Variants in CCDC112 observed in about 807,000 individuals in gnomAD.
CCDC112 encodes the protein coiled-coil domain-containing protein 112.
In CCDC112, 40 loss-of-function variants were observed where a neutral mutation model predicts 66.3. The observed-to-expected ratio is 0.60, with a 90% CI of 0.47 to 0.79. CCDC112 has a LOEUF of 0.79. Among genes scored for constraint, CCDC112 ranks in the 30% least tolerant of loss-of-function variants. CCDC112 has a pLI of 0.00. For missense variants in CCDC112, 659 were observed against 603.8 expected, an observed-to-expected ratio of 1.09 and a Z score of -0.96; for synonymous variants, 214 against 197.2, an observed-to-expected ratio of 1.09 and a Z score of -0.71.
intron 2 of CCDC112, among the ~76,000 whole-genome samples, chr5:115,280,723 T>A (rs554664866): frequency 1.1e-4 from 16 of 146,520 alleles, no homozygotes; most frequent in African/African-American, 4.1e-4. Flanking sequence ...GCCCAGCTAA[T>A]TTTTTTTTTT....
chr5:115,280,820 C>T (rs190852699), intron 2 of CCDC112, among the ~76,000 whole-genome samples: 172 of 152,096 alleles, frequency 1.1e-3, no homozygotes, highest in African/African-American at 4.0e-3. Context: ...TCCCAAAGTG[C>T]GTGAGCCATC....
At position 115,271,637 on chromosome 5, in the gene CCDC112, T is replaced by G; in HGVS notation, c.919-11A>C. 1.4e-6 allele frequency: 2 copies of G among 1,475,874 alleles called. No homozygotes were observed. The highest frequency in any genetic ancestry group is 1.8e-6 in the Non-Finnish European group (2 of 1,116,688). 91.4% of individuals were successfully genotyped at this position (1,475,874 alleles called of 1,614,324 possible). A position where few individuals can be genotyped will look rare whatever the true frequency, so the allele number is the denominator to read the frequency against. ...CCAAATCTGAATTGACTAAATGATT[T>G]TTTTAAAAAAAGAAAGCAAGAGAAA... is the stretch of plus-strand genomic sequence containing the variant. On this transcript the variant is annotated splice_polypyrimidine_tract_variant and intron_variant, in intron 6 of 9. Coordinates refer to ENST00000379611, the MANE Select transcript of CCDC112 (RefSeq NM_001040440.3).
At position 115,275,345 on chromosome 5, in the gene CCDC112, G is replaced by C; in HGVS notation, c.789C>G (p.Asn263Lys). The C allele has an allele frequency of 1.2e-6, 2 of 1,613,748 alleles. No homozygotes were observed. Among genetic ancestry groups the C allele is most frequent in the Middle Eastern group, 3.3e-4 (2 of 6,062 alleles). Reference sequence around the variant, plus strand: ...TAAATGTTGGCTTCCCTTTATGTTTGTTTCTCACCTTTACAAAGTTCTGGT... The same window carrying C: ...TAAATGTTGGCTTCCCTTTATGTTTCTTTCTCACCTTTACAAAGTTCTGGT... ...YDHQNFVKVR[N>K]KHKGKPTFME... is the part of the protein sequence containing the mutation. The change falls in exon 6 of 10, where the codon AAC becomes AAG. Residue 263 changes from asparagine to lysine, a missense_variant. Asn to Lys is a moderately conservative substitution (Grantham distance 94). Coordinates refer to ENST00000379611, the MANE Select transcript of CCDC112 (RefSeq NM_001040440.3).
intron 3 of CCDC112, 22 bp downstream of exon 3, chr5:115,279,625 G>A (rs753516378): frequency 6.2e-7 from 1 of 1,608,158 alleles, no homozygotes; most frequent in Non-Finnish European, 8.5e-7. Flanking sequence ...ACAGTTTTTA[G>A]TTCATCACAA....
chr5:115,286,857 G>A (rs1749696185), intron 1 of CCDC112, among the ~76,000 whole-genome samples: 1 of 152,108 alleles, frequency 6.6e-6, no homozygotes, highest in Non-Finnish European at 1.5e-5. Flanking sequence ...TAAGGCTGCA[G>A]TAAGCCATAA....
intron 6 of CCDC112, among the ~76,000 whole-genome samples, 153 bp downstream of exon 6, chr5:115,275,063 G>C (rs1287889915): frequency 6.6e-6 from 1 of 152,068 alleles, no homozygotes; most frequent in Non-Finnish European, 1.5e-5. Context: ...AACTTTCAAT[G>C]CCTCAGTTTC....
chr5:115,271,134 A>G (rs2127050519), intron 7 of CCDC112, 79 bp downstream of exon 7: 1 of 1,353,354 alleles, frequency 7.4e-7, no homozygotes, highest in South Asian at 1.4e-5. Flanking sequence ...ACAAATACTC[A>G]ATTTTTGCTT....
rs1366200714 is a variant in CCDC112 at position 115,276,966 on chromosome 5, A to G, written c.450T>C (p.Asp150=). The G allele has an allele frequency of 6.4e-7, 1 of 1,566,782 alleles. No individual in the cohort carries two copies. The highest frequency in any genetic ancestry group is 2.2e-5 in the East Asian group (1 of 44,446). The change falls in exon 4 of 10, where the codon GAT becomes GAC. Residue 150 remains aspartate, a splice_region_variant and synonymous_variant. Transcript: ENST00000379611. Reference sequence around the variant, plus strand: ...ATTATAATATCTAAATTTACTTACAATCAGGTGTAGGCTTCACATCTTTTA... The same window carrying G: ...ATTATAATATCTAAATTTACTTACAGTCAGGTGTAGGCTTCACATCTTTTA... ...HQLKDVKPTP[D]FVEKLREMME... is the part of the protein sequence containing the mutation.
chr5:115,283,622 A>G (rs576369966), intron 2 of CCDC112, among the ~76,000 whole-genome samples: 1 of 152,256 alleles, frequency 6.6e-6, no homozygotes, highest in Admixed American at 6.5e-5. Context: ...ATACCTCAAT[A>G]AAAGTGGGGG....
Position 115,279,641 on chromosome 5 carries a change from A to T in CCDC112, c.361+6T>A. 6.2e-7 allele frequency: 1 copy of T among 1,610,524 alleles called. No homozygotes were observed. Among genetic ancestry groups the T allele is most frequent in the Non-Finnish European group, 8.5e-7 (1 of 1,179,226 alleles). ...CAGTTTTTAGTTCATCACAAACTCA[A>T]CTTACTTTCTGTTTTCCTGCTGTGA... On this transcript the variant is annotated splice_donor_region_variant and intron_variant, in intron 3 of 9. Coordinates refer to ENST00000379611, the MANE Select transcript of CCDC112 (RefSeq NM_001040440.3).
intron 1 of CCDC112, among the ~76,000 whole-genome samples, chr5:115,295,659 C>A (rs1489716777): frequency 6.6e-6 from 1 of 152,126 alleles, no homozygotes; most frequent in Admixed American, 6.5e-5. Flanking sequence ...GCTGGGAATA[C>A]AATAAAGAAT....
intron 6 of CCDC112, among the ~76,000 whole-genome samples, chr5:115,273,942 G>C (rs1221019935): frequency 6.6e-6 from 1 of 152,132 alleles, no homozygotes; most frequent in African/African-American, 2.4e-5. Flanking sequence ...TTGCTGGGGG[G>C]AGGGAGGAGA....
Position 115,280,212 on chromosome 5 carries a change from A to T in CCDC112, c.240-444T>A, listed in dbSNP as rs147969388. On this transcript the variant is annotated intron_variant, in intron 2 of 9. Transcript: ENST00000379611. Reference sequence around the variant, plus strand: ...CCTCATCACTAAAATGTGAATAATAACAGCTCTCCACTATCTAATAGGGCT... The same window carrying T: ...CCTCATCACTAAAATGTGAATAATATCAGCTCTCCACTATCTAATAGGGCT... The T allele has an allele frequency of 3.7e-3, 622 of 168,024 alleles. 1 individual carries two copies. Among genetic ancestry groups the T allele is most frequent in the Middle Eastern group, 0.012 (4 of 334 alleles). 10.4% of individuals were successfully genotyped at this position (168,024 alleles called of 1,614,324 possible).
intron 6 of CCDC112, among the ~76,000 whole-genome samples, chr5:115,272,264 T>C (rs893884357): frequency 6.6e-6 from 1 of 152,184 alleles, no homozygotes; most frequent in Non-Finnish European, 1.5e-5. Flanking sequence ...CCCTTTCCTC[T>C]GATCATCTCA....
intron 7 of CCDC112, among the ~76,000 whole-genome samples, chr5:115,270,869 G>A (rs1748965694): frequency 6.6e-6 from 1 of 152,134 alleles, no homozygotes; most frequent in Non-Finnish European, 1.5e-5. Flanking sequence ...TGCTAGGAAG[G>A]ACCTCATTTT....
At chr5:115,274,565 G>A (rs540738782) in intron 6 of CCDC112, among the ~76,000 whole-genome samples, 132 of 152,116 alleles carry the variant, frequency 8.7e-4, no homozygotes, top group African/African-American at 3.0e-3. Flanking sequence ...CTCGTAAGAT[G>A]ACTTTTTTCA....
In CCDC112 at chr5:115,275,364, T is replaced by G; in HGVS notation, c.770A>C (p.Asn257Thr). ...ATGTTTGTTTCTCACCTTTACAAAGTTCTGGTGATCATAATCATCCCAGGC... is the reference window on the plus strand; with the variant it reads ...ATGTTTGTTTCTCACCTTTACAAAGGTCTGGTGATCATAATCATCCCAGGC... ...QGAWDDYDHQ[N>T]FVKVRNKHKG... The change falls in exon 6 of 10, where the codon AAC becomes ACC. Residue 257 changes from asparagine to threonine, a missense_variant. Transcript: ENST00000379611. The G allele has an allele frequency of 6.2e-7, 1 of 1,614,144 alleles. No individual in the cohort carries two copies. The highest frequency in any genetic ancestry group is 8.5e-7 in the Non-Finnish European group (1 of 1,180,002).
chr5:115,275,891 C>A, intron 5 of CCDC112, 103 bp downstream of exon 5: 2 of 830,388 alleles, frequency 2.4e-6, no homozygotes, highest in Admixed American at 2.9e-5. Context: ...GTATAAGACT[C>A]AAATACATAA....
Position 115,276,878 on chromosome 5 carries a change from T to C in CCDC112, c.451+87A>G, listed in dbSNP as rs887352735. The stretch of plus-strand genomic sequence containing the variant: ...TAGCTCCATTAATAAACTTAAGTCC[T>C]AACCAATAAAGTAGAGTTTAGCTCC... On this transcript the variant is annotated intron_variant, in intron 4 of 9. Coordinates refer to ENST00000379611, the MANE Select transcript of CCDC112 (RefSeq NM_001040440.3). 15 of 813,578 alleles carry C rather than the reference T, an allele frequency of 1.8e-5. No homozygotes were observed. The African/African-American group carries it at 2.6e-4, about 14-fold the overall frequency. The allele number at this position is 813,578 out of a possible 1,614,324, so 50.4% of individuals were successfully genotyped here.
Sources: allele counts gnomAD v4.1 joint callset (sites outside exome capture counted in the v4.1 genomes callset), GRCh38; gene constraint gnomAD v4.1.1; transcripts MANE v1.5; gene names NCBI Gene and HGNC (gene_info 2026-07-23, HGNC 2026-07-21).